Variants in KSR2 observed in about 807,000 individuals in gnomAD.
KSR2 encodes kinase suppressor of ras 2.
Under a neutral mutation model 107.8 loss-of-function variants are expected in KSR2, and 25 were observed. The ratio of observed to expected loss-of-function variants is 0.23; its 90% confidence interval spans 0.17 to 0.32. The LOEUF (loss-of-function observed/expected upper bound fraction) is 0.32. Ranked by LOEUF, KSR2 falls within the 10% of genes least tolerant of loss-of-function variation. The probability of loss-of-function intolerance (pLI) is 1.00; values close to 1 mark genes in which losing one functional copy is unlikely to be tolerated. For synonymous variants in KSR2, 480 were observed against 507.0 expected, an observed-to-expected ratio of 0.95 and a Z score of 0.71; for missense variants, 887 against 1,268.9, an observed-to-expected ratio of 0.70 and a Z score of 4.57.
intron 4 of KSR2, among the ~76,000 whole-genome samples, chr12:117,671,957 T>C (rs1349124464): frequency 1.3e-5 from 2 of 152,208 alleles, no homozygotes; most frequent in Non-Finnish European, 2.9e-5. Context: ...AAAGCCCCAC[T>C]GTGAAGGAGG....
chr12:117,718,339 T>C (rs907358399), intron 4 of KSR2, among the ~76,000 whole-genome samples: 3 of 152,240 alleles, frequency 2.0e-5, no homozygotes, highest in Admixed American at 6.5e-5. Context: ...TGTTGTTCAC[T>C]GTCCATGGAA....
chr12:117,782,910 A>G (rs1195083547), intron 3 of KSR2, among the ~76,000 whole-genome samples: 1 of 152,208 alleles, frequency 6.6e-6, no homozygotes, highest in African/African-American at 2.4e-5. Context: ...TCCTGTGGGT[A>G]GAATGGGGGA....
At chr12:117,939,770 G>A (rs542578283) in intron 1 of KSR2, among the ~76,000 whole-genome samples, 6 of 150,320 alleles carry the variant, frequency 4.0e-5, no homozygotes, top group South Asian at 2.1e-4. Context: ...TGAAACCCCC[G>A]TCTCTACTAA....
At chr12:117,903,234 A>C (rs1894742587) in intron 1 of KSR2, among the ~76,000 whole-genome samples, 1 of 152,226 alleles carries the variant, frequency 6.6e-6, no homozygotes, top group Non-Finnish European at 1.5e-5. Flanking sequence ...AGTTTCTCTC[A>C]TACTTTATGA....
At chr12:117,552,390 G>A (rs1054722429) in intron 9 of KSR2, among the ~76,000 whole-genome samples, 2 of 152,154 alleles carry the variant, frequency 1.3e-5, no homozygotes, top group African/African-American at 2.4e-5. Context: ...GTTTCTTCCC[G>A]TTGAATCTGA....
chr12:117,942,537 G>A (rs1340272686), intron 1 of KSR2, among the ~76,000 whole-genome samples: 6 of 146,718 alleles, frequency 4.1e-5, no homozygotes, highest in Non-Finnish European at 9.0e-5. Flanking sequence ...CACCCAGGCT[G>A]GAGTGTAGTA....
chr12:117,968,306 GA>G lies in KSR2; in HGVS notation c.-52del, dbSNP rs1047543436. The G allele has an allele frequency of 0.01, 11,073 of 1,061,216 alleles. 146 individuals are homozygous for G. Among genetic ancestry groups the G allele is most frequent in the Middle Eastern group, 0.02 (57 of 2,830 alleles). 65.7% of individuals were successfully genotyped at this position (1,061,216 alleles called of 1,614,324 possible). On this transcript the variant is annotated 5_prime_UTR_variant, in exon 1 of 20. Coordinates refer to ENST00000339824, the MANE Select transcript of KSR2 (RefSeq NM_173598.6). ...TCCTCCTCCTCCCAGAGAGAAAAAA[GA>G]GGGGGGGGAGTAGAGGTAGTCTACC...
rs78294559 is a variant in KSR2 at position 117,484,485 on chromosome 12, T to C, written c.2381A>G (p.Tyr794Cys). Residue 794 changes from tyrosine (Y) to cysteine (C), a missense_variant, in exon 16 of 20, where the codon TAT becomes TGT. Tyr to Cys is a radical substitution (Grantham distance 194, BLOSUM62 -2). Around this residue, in one of 8 missense-constraint regions of KSR2, gnomAD observed 308 missense variants for 506.2 expected, o/e 0.61. Transcript: ENST00000339824. ...CGTGATGACCACTTTGCCGTTGTCA[T>C]AGAAGACGTTCTTTGACTTGAGGTC... Reference protein sequence around the residue: ...HKDLKSKNVFYDNGKVVITDF... With the variant: ...HKDLKSKNVFCDNGKVVITDF... 2 of 1,613,798 alleles carry C rather than the reference T, an allele frequency of 1.2e-6. No homozygotes were observed. The highest frequency in any genetic ancestry group is 8.5e-7 in the Non-Finnish European group (1 of 1,179,706).
rs1430996131 is a variant in KSR2, at chr12:117,462,212, T to C, written c.*4987A>G. The C allele has an allele frequency of 2.3e-5, 3 of 129,552 alleles. No individual in the cohort carries two copies. The East Asian group carries it at 6.5e-4, about 28-fold the overall frequency. 8.0% of individuals were successfully genotyped at this position (129,552 alleles called of 1,614,324 possible). A position where few individuals can be genotyped will look rare whatever the true frequency, so the allele number is the denominator to read the frequency against. On this transcript the variant is annotated 3_prime_UTR_variant, in exon 20 of 20. Transcript: ENST00000339824. Reference sequence around the variant, plus strand: ...GCACAAGAGAAAATGTCTTAGAGGGTGTTATAAGTTGTGGTGTCCCCAACA... The same window carrying C: ...GCACAAGAGAAAATGTCTTAGAGGGCGTTATAAGTTGTGGTGTCCCCAACA...
intron 5 of KSR2, among the ~76,000 whole-genome samples, chr12:117,601,332 T>A (rs745871129): frequency 2.6e-5 from 4 of 151,288 alleles, no homozygotes; most frequent in African/African-American, 4.9e-5. Flanking sequence ...TTAAATAGTG[T>A]CCTTCCCCAA....
chr12:117,939,942 AAAACACACACACAC>A (rs1429500981), intron 1 of KSR2, among the ~76,000 whole-genome samples: 2 of 95,444 alleles, frequency 2.1e-5, no homozygotes, highest in Non-Finnish European at 4.0e-5. Flanking sequence ...CTCCATCTTA[AAAACACACACACAC>A]ACACACACAC....
At chr12:117,520,257 G>T (rs1353914336) in intron 14 of KSR2, among the ~76,000 whole-genome samples, 1 of 152,180 alleles carries the variant, frequency 6.6e-6, no homozygotes, top group African/African-American at 2.4e-5. Context: ...CTGTAAAATA[G>T]GCACAAGGAT....
At chr12:117,525,685 T>G (rs1222603905) in intron 13 of KSR2, among the ~76,000 whole-genome samples, 2 of 152,214 alleles carry the variant, frequency 1.3e-5, no homozygotes, top group Non-Finnish European at 2.9e-5. Context: ...GTGCATGTGA[T>G]AAAGTTGACA....
In KSR2 at chr12:117,525,120, G is replaced by A; in HGVS notation, c.1951C>T (p.Gln651Ter). Reference protein sequence around the residue: ...SARSFPRKASQTSIFLQEWDI... With the variant: ...SARSFPRKAS ...CACTCCTGAAGGAAGATGCTGGTCT[G>A]GCTGGCCTTGCGTGGGAAGCTCCGG... Residue 651 changes from glutamine (Q) to a stop codon, truncating the protein, a stop_gained, in exon 14 of 20, where the codon CAG becomes TAG. Coordinates refer to ENST00000339824, the MANE Select transcript of KSR2 (RefSeq NM_173598.6). LOFTEE classifies it high-confidence loss of function. 1 of 1,614,010 alleles carries A rather than the reference G, an allele frequency of 6.2e-7. No homozygotes were observed. The highest frequency in any genetic ancestry group is 8.5e-7 in the Non-Finnish European group (1 of 1,179,880).
chr12:117,739,400 A>C (rs7956217), intron 4 of KSR2, among the ~76,000 whole-genome samples: 10,568 of 152,204 alleles, frequency 0.069, 1,263 homozygotes, highest in African/African-American at 0.24. Flanking sequence ...ATTGCACTAC[A>C]ATGTTATGAC....
intron 1 of KSR2, among the ~76,000 whole-genome samples, chr12:117,914,914 G>A (rs1895131767): frequency 2.0e-5 from 3 of 152,184 alleles, no homozygotes; most frequent in African/African-American, 7.2e-5. Context: ...CTGAAACTAT[G>A]AAAGACTGTA....
At chr12:117,785,832 T>G (rs1890051461) in intron 3 of KSR2, among the ~76,000 whole-genome samples, 2 of 152,050 alleles carry the variant, frequency 1.3e-5, no homozygotes, top group South Asian at 4.1e-4. Context: ...AGATCTAACA[T>G]TCAAAAGATC....
chr12:117,564,467 A>ATGCCCTGCCACCCTCACAG (rs71305655), intron 7 of KSR2, among the ~76,000 whole-genome samples: 13 of 152,146 alleles, frequency 8.5e-5, no homozygotes, highest in Admixed American at 8.5e-4. Context: ...CACACAGAAA[A>ATGCCCTGCCACCCTCACAG]AGCCTGCAAA....
intron 5 of KSR2, among the ~76,000 whole-genome samples, chr12:117,640,466 G>A (rs1056371686): frequency 1.3e-5 from 2 of 152,172 alleles, no homozygotes; most frequent in African/African-American, 4.8e-5. Context: ...GACCAGGCTG[G>A]TCTCAAACTT....
Sources: allele counts gnomAD v4.1 joint callset (sites outside exome capture counted in the v4.1 genomes callset), GRCh38; gene constraint gnomAD v4.1.1; regional missense constraint gnomAD v4.1.1; transcripts MANE v1.5; gene names NCBI Gene and HGNC (gene_info 2026-07-23, HGNC 2026-07-21).